Variants in SGIP1 observed in about 807,000 individuals in gnomAD.
SGIP1 encodes SH3-containing GRB2-like protein 3-interacting protein 1.
In SGIP1, 38 loss-of-function variants were observed where a neutral mutation model predicts 107.5. The observed-to-expected ratio is 0.35, with a 90% CI of 0.27 to 0.46. The LOEUF is 0.46. SGIP1 is among the 20% of genes least tolerant of loss of function. SGIP1 has a pLI of 1.00. For missense variants in SGIP1, 929 were observed against 1,019.5 expected, an observed-to-expected ratio of 0.91 and a Z score of 1.21; for synonymous variants, 365 against 366.1, an observed-to-expected ratio of 1.00 and a Z score of 0.03.
intron 1 of SGIP1, among the ~76,000 whole-genome samples, chr1:66,582,948 T>C (rs888188333): frequency 3.9e-5 from 6 of 151,988 alleles, no homozygotes; most frequent in African/African-American, 1.4e-4. Flanking sequence ...TATGTTGCTT[T>C]TAAAGCAAAC....
chr1:66,722,815 G>A (rs1050958661), intron 19 of SGIP1, among the ~76,000 whole-genome samples: 4 of 152,142 alleles, frequency 2.6e-5, no homozygotes, highest in Non-Finnish European at 4.4e-5. Flanking sequence ...TATGACAGGC[G>A]TGTAGGGTAG....
chr1:66,548,113 A>T (rs1463249262), intron 1 of SGIP1, among the ~76,000 whole-genome samples: 1 of 152,130 alleles, frequency 6.6e-6, no homozygotes, highest in Non-Finnish European at 1.5e-5. Context: ...AGCAATGGAA[A>T]GCCACCGGAG....
chr1:66,538,549 C>T (rs948856446), intron 1 of SGIP1, among the ~76,000 whole-genome samples: 3 of 152,180 alleles, frequency 2.0e-5, no homozygotes, highest in Non-Finnish European at 4.4e-5. Context: ...ATCATTCTTT[C>T]TGTTGGATGT....
intron 1 of SGIP1, among the ~76,000 whole-genome samples, chr1:66,576,273 C>A (rs6687096): frequency 6.6e-6 from 1 of 152,028 alleles, no homozygotes; most frequent in South Asian, 2.1e-4. Flanking sequence ...ATTGGAAAAT[C>A]TGTCTTTCCT....
intron 1 of SGIP1, among the ~76,000 whole-genome samples, chr1:66,587,284 GC>G (rs2062781935): frequency 6.6e-6 from 1 of 151,758 alleles, no homozygotes; most frequent in African/African-American, 2.4e-5. Flanking sequence ...TTTCAGCTAT[GC>G]CTTCTTTCTT....
intron 7 of SGIP1, among the ~76,000 whole-genome samples, chr1:66,654,095 C>T (rs2079245426): frequency 6.6e-6 from 1 of 152,104 alleles, no homozygotes; most frequent in Non-Finnish European, 1.5e-5. Context: ...TGTTGATTGT[C>T]TGGGTGGATG....
intron 17 of SGIP1, among the ~76,000 whole-genome samples, chr1:66,692,122 G>A (rs1461773866): frequency 6.9e-6 from 1 of 145,374 alleles, no homozygotes; most frequent in Non-Finnish European, 1.5e-5. Context: ...TCGTACCACT[G>A]CATACTCCAG....
At chr1:66,631,896 C>G (rs1335570618) in intron 2 of SGIP1, among the ~76,000 whole-genome samples, 1 of 152,120 alleles carries the variant, frequency 6.6e-6, no homozygotes, top group African/African-American at 2.4e-5. Flanking sequence ...TAATACGTAT[C>G]GCTGTATGTT....
At chr1:66,583,733 G>T (rs141638220) in intron 1 of SGIP1, among the ~76,000 whole-genome samples, 1 of 151,966 alleles carries the variant, frequency 6.6e-6, no homozygotes, top group Non-Finnish European at 1.5e-5. Flanking sequence ...TAGTCACTTC[G>T]TATTGCATTT....
intron 22 of SGIP1, among the ~76,000 whole-genome samples, chr1:66,740,068 G>A (rs977580868): frequency 4.6e-5 from 7 of 152,100 alleles, no homozygotes; most frequent in African/African-American, 1.7e-4. Context: ...ATCTCAAACC[G>A]TGCATGCAAT....
chr1:66,612,208 A>T (rs1436212529), intron 1 of SGIP1, among the ~76,000 whole-genome samples: 2 of 152,172 alleles, frequency 1.3e-5, no homozygotes, highest in Non-Finnish European at 2.9e-5. Context: ...TCTTTTTAAC[A>T]ACCAGCTCTC....
At chr1:66,543,885 T>C (rs749918830) in intron 1 of SGIP1, among the ~76,000 whole-genome samples, 1 of 152,178 alleles carries the variant, frequency 6.6e-6, no homozygotes, top group Non-Finnish European at 1.5e-5. Flanking sequence ...GTGGTGCAGA[T>C]GCCAGTTTTT....
chr1:66,660,356 AC>A (rs2081216283), intron 7 of SGIP1, among the ~76,000 whole-genome samples, 156 bp from the exon 8 acceptor site: 1 of 152,034 alleles, frequency 6.6e-6, no homozygotes. Context: ...CCTAGGAATG[AC>A]CATATCAGAC....
rs139269501 is a variant in SGIP1, at chr1:66,682,418, C to T, written c.1315+49C>T. 4.4e-4 allele frequency: 692 copies of T among 1,561,432 alleles called. 1 individual carries two copies. The East Asian group carries it at 0.014, about 32-fold the overall frequency. On this transcript the variant is annotated intron_variant, in intron 15 of 24. Coordinates refer to ENST00000371037, the MANE Select transcript of SGIP1 (RefSeq NM_032291.4). ...TTCTTGTGACGGGGAATGGCCATGGCTGCTGCAGTGTGAGCAACACCGTCC... is the reference window on the plus strand; with the variant it reads ...TTCTTGTGACGGGGAATGGCCATGGTTGCTGCAGTGTGAGCAACACCGTCC...
intron 19 of SGIP1, among the ~76,000 whole-genome samples, chr1:66,719,826 G>A (rs929408198): frequency 5.3e-5 from 8 of 151,996 alleles, no homozygotes; most frequent in African/African-American, 1.9e-4. Flanking sequence ...TTAAAACAAC[G>A]GTTCACTGGG....
intron 18 of SGIP1, among the ~76,000 whole-genome samples, chr1:66,703,789 T>C (rs1289594755): frequency 1.3e-5 from 2 of 151,574 alleles, no homozygotes; most frequent in African/African-American, 2.4e-5. Context: ...TGTTTTTGTA[T>C]ATGATATATA....
chr1:66,625,009 G>T (rs1368364400), intron 1 of SGIP1, among the ~76,000 whole-genome samples: 1 of 152,106 alleles, frequency 6.6e-6, no homozygotes, highest in Non-Finnish European at 1.5e-5. Context: ...ATATTATCTG[G>T]ACTTATAAAT....
chr1:66,704,547 T>C (rs2092322919), intron 18 of SGIP1: 1 of 152,218 alleles, frequency 6.6e-6, no homozygotes, highest in South Asian at 2.1e-4. Context: ...TCAAACTTCC[T>C]GAGAAAAGAA....
intron 17 of SGIP1, 100 bp from the exon 18 acceptor site, chr1:66,695,334 C>A: frequency 6.2e-7 from 1 of 1,602,674 alleles, no homozygotes; most frequent in Admixed American, 1.7e-5. Context: ...TCCACCCTTC[C>A]CTATAGTGAG....
Sources: allele counts gnomAD v4.1 joint callset (sites outside exome capture counted in the v4.1 genomes callset), GRCh38; gene constraint gnomAD v4.1.1; transcripts MANE v1.5; gene names NCBI Gene and HGNC (gene_info 2026-07-23, HGNC 2026-07-21).